The following PALM variants were observed in gnomAD, a reference collection of about 807,000 sequenced individuals.
PALM encodes paralemmin.
Under a neutral mutation model 30.7 loss-of-function variants are expected in PALM, and 18 were observed. That is an observed-to-expected ratio of 0.59 (90% CI 0.41 to 0.87). PALM has a LOEUF of 0.87. Ranked by LOEUF, PALM falls within the 40% of genes least tolerant of loss-of-function variation. PALM has a pLI of 0.00. For missense variants in PALM, 529 were observed against 555.4 expected (o/e 0.95, Z 0.48); for synonymous variants, 286 against 242.8 (o/e 1.18, Z -1.66).
At chr19:733,228 G>T (rs2032925146) in intron 5 of PALM, among the ~76,000 whole-genome samples, 1 of 152,118 alleles carries the variant, frequency 6.6e-6, no homozygotes, top group African/African-American at 2.4e-5. Context: ...GCCCAGCCAA[G>T]GAAGTGGGTT....
intron 1 of PALM, chr19:719,420 A>G: frequency 3.0e-6 from 3 of 985,274 alleles, no homozygotes; most frequent in Non-Finnish European, 3.6e-6. Flanking sequence ...CCACACCGCC[A>G]CACGCCGTAA....
intron 1 of PALM, 51 bp from the exon 2 acceptor site, chr19:726,087 C>T (rs768851742): frequency 2.4e-5 from 34 of 1,428,906 alleles, no homozygotes; most frequent in Non-Finnish European, 2.8e-5. Flanking sequence ...CCGCGTCTGA[C>T]GGACAGCAGG....
intron 1 of PALM, among the ~76,000 whole-genome samples, chr19:721,434 T>A (rs1319148843): frequency 6.6e-6 from 1 of 150,640 alleles, no homozygotes; most frequent in Non-Finnish European, 1.5e-5. Flanking sequence ...CCCAGCTAAT[T>A]TTTGTATTTT....
At position 746,997 on chromosome 19, in the gene PALM, C is replaced by T; in HGVS notation, c.*183C>T. The T allele has an allele frequency of 3.4e-6, 2 of 594,124 alleles. No homozygotes were observed. Among genetic ancestry groups the T allele is most frequent in the Admixed American group, 3.0e-5 (1 of 33,338 alleles). The allele number at this position is 594,124 out of a possible 1,614,324, so 36.8% of individuals were successfully genotyped here. A position where few individuals can be genotyped will look rare whatever the true frequency, so the allele number is the denominator to read the frequency against. Reference sequence around the variant, plus strand: ...ACAGGGGCCCCCACCCGTCACCACGCCCCAACACTCCCCCCGAACCAGAGC... The same window carrying T: ...ACAGGGGCCCCCACCCGTCACCACGTCCCAACACTCCCCCCGAACCAGAGC... On this transcript the variant is annotated 3_prime_UTR_variant, in exon 9 of 9. Transcript: ENST00000338448. This position sits in a 1 kb window ranked among gnomAD's most constrained non-coding sequence, Gnocchi z 7.1.
chr19:718,532 C>T (rs759833819), intron 1 of PALM, among the ~76,000 whole-genome samples: 9 of 152,198 alleles, frequency 5.9e-5, no homozygotes, highest in Admixed American at 2.0e-4. Flanking sequence ...CCTGAGGGCC[C>T]GGGCAGGGTC....
At position 726,137 on chromosome 19, in the gene PALM, G is replaced by T; in HGVS notation, c.6-1G>T. 1 of 1,612,736 alleles carries T rather than the reference G, an allele frequency of 6.2e-7. No homozygotes were observed. The highest frequency in any genetic ancestry group is 8.5e-7 in the Non-Finnish European group (1 of 1,179,188). ...AGCTTGACCTTATCTCCCTCCCGCA[G>T]GGTCCTGGCGGCAGAGACCACGTCC... On this transcript the variant is annotated splice_acceptor_variant, in intron 1 of 8. Coordinates refer to ENST00000338448, the MANE Select transcript of PALM (RefSeq NM_002579.3). LOFTEE classifies it high-confidence loss of function.
Position 746,197 on chromosome 19 carries a change from C to A in PALM, c.635-88C>A, listed in dbSNP as rs900059593. 27 of 1,002,480 alleles carry A rather than the reference C, an allele frequency of 2.7e-5. No individual in the cohort carries two copies. In the South Asian group the frequency reaches 3.7e-4, roughly 14 times the overall value. The allele number at this position is 1,002,480 out of a possible 1,614,324, so 62.1% of individuals were successfully genotyped here. A position where few individuals can be genotyped will look rare whatever the true frequency, so the allele number is the denominator to read the frequency against. On this transcript the variant is annotated intron_variant, in intron 8 of 8. Transcript: ENST00000338448. This position sits in a 1 kb window ranked among gnomAD's most constrained non-coding sequence, Gnocchi z 7.1. ...AGCCTGGAGGAGGATACAAGCCTTG[C>A]CAAGGTTTCCCTCCTGCCTGAGCCA...
At chr19:714,376 T>G (rs1184301739) in intron 1 of PALM, among the ~76,000 whole-genome samples, 3 of 137,512 alleles carry the variant, frequency 2.2e-5, no homozygotes, top group African/African-American at 8.3e-5. Flanking sequence ...TTTTTTTTTT[T>G]CAGATGGAGT....
chr19:714,580 G>C (rs577731292), intron 1 of PALM, among the ~76,000 whole-genome samples: 1 of 141,834 alleles, frequency 7.1e-6, no homozygotes, highest in African/African-American at 2.6e-5. Context: ...GGATGGTCTC[G>C]ATCTCCTGAC....
intron 5 of PALM, 30 bp from the exon 6 acceptor site, chr19:734,143 C>T: frequency 6.2e-7 from 1 of 1,613,382 alleles, no homozygotes; most frequent in South Asian, 1.1e-5. Flanking sequence ...GATGCTGACG[C>T]CCCTGACCCT....
intron 1 of PALM, among the ~76,000 whole-genome samples, chr19:712,274 C>T (rs1350100204): frequency 2.6e-5 from 4 of 151,450 alleles, no homozygotes; most frequent in African/African-American, 4.9e-5. Context: ...CCGCCTGCCT[C>T]GGCCTCCCCA....
At chr19:718,740 G>A (rs1407242286) in intron 1 of PALM, among the ~76,000 whole-genome samples, 4 of 150,322 alleles carry the variant, frequency 2.7e-5, no homozygotes, top group Non-Finnish European at 4.5e-5. Flanking sequence ...GTTCCTTCCT[G>A]GAAGGCTGCC....
intron 1 of PALM, among the ~76,000 whole-genome samples, chr19:725,296 C>G (rs141148330): frequency 6.6e-6 from 1 of 151,070 alleles, no homozygotes; most frequent in Non-Finnish European, 1.5e-5. Context: ...CGGTGGCTCA[C>G]GCCTGTAATC....
At chr19:711,684 G>T (rs894390900) in intron 1 of PALM, among the ~76,000 whole-genome samples, 3 of 152,186 alleles carry the variant, frequency 2.0e-5, no homozygotes, top group African/African-American at 7.2e-5. Flanking sequence ...GGTTTGCCCA[G>T]TGTTGATCAC....
chr19:725,366 C>G (rs2032625568), intron 1 of PALM, among the ~76,000 whole-genome samples: 1 of 151,798 alleles, frequency 6.6e-6, no homozygotes, highest in Non-Finnish European at 1.5e-5. Context: ...CGAGACCAGC[C>G]TGGCCAACAT....
chr19:716,924 T>A (rs572626250), intron 1 of PALM, among the ~76,000 whole-genome samples: 1 of 152,160 alleles, frequency 6.6e-6, no homozygotes, highest in East Asian at 1.9e-4. Context: ...TTTAGTACAC[T>A]GACAGGGTGT....
At chr19:736,985 G>A (rs556291665) in intron 7 of PALM, among the ~76,000 whole-genome samples, 13 of 152,326 alleles carry the variant, frequency 8.5e-5, no homozygotes, top group African/African-American at 2.2e-4. Flanking sequence ...CCTGGGAGGC[G>A]GAGTTTGTAG....
chr19:743,788 A>G (rs976325619), intron 8 of PALM, among the ~76,000 whole-genome samples: 5 of 152,208 alleles, frequency 3.3e-5, no homozygotes, highest in African/African-American at 9.7e-5. Flanking sequence ...GGAGAGTCCA[A>G]CACACCTCAA....
In PALM at chr19:709,160, G is replaced by A. The variant is rs1246588804; in HGVS notation, c.5+9G>A. On this transcript the variant is annotated intron_variant, in intron 1 of 8. Coordinates refer to ENST00000338448, the MANE Select transcript of PALM (RefSeq NM_002579.3). The surrounding 1 kb of genome is among the most constrained non-coding windows in gnomAD (Gnocchi z 4.3). ...CTCGGCGGGGAGATGGAGTGAGTAG[G>A]CGCGCTCGGGCCGCGGGGCTGGGGG... 1.2e-5 allele frequency: 4 copies of A among 324,164 alleles called. No individual in the cohort carries two copies. The Admixed American group carries it at 2.0e-4, about 16-fold the overall frequency. 20.1% of individuals were successfully genotyped at this position (324,164 alleles called of 1,614,324 possible). A position where few individuals can be genotyped will look rare whatever the true frequency, so the allele number is the denominator to read the frequency against.
Sources: gnomAD v4.1 joint callset for allele counts (sites outside exome capture counted in the v4.1 genomes callset) on GRCh38, gnomAD v4.1.1 for gene constraint, Gnocchi (gnomAD v3.1) non-coding constraint, MANE v1.5 for transcripts, NCBI Gene and HGNC (gene_info 2026-07-23, HGNC 2026-07-21) for gene names.